Variants in ATXN2L observed in about 807,000 individuals in gnomAD.
ATXN2L encodes ataxin-2-like protein.
ATXN2L carries 24 observed loss-of-function variants against 120.7 expected under a neutral mutation model. The observed-to-expected ratio is 0.20, with a 90% CI of 0.14 to 0.28. The LOEUF is 0.28. Among genes scored for constraint, ATXN2L ranks in the 10% least tolerant of loss-of-function variants. ATXN2L has a pLI of 1.00. For synonymous variants in ATXN2L, 653 were observed against 568.1 expected (o/e 1.15, Z -2.13); for missense variants, 1,312 against 1,432.3 (o/e 0.92, Z 1.36).
chr16:28,831,986 C>G (rs1253521445), intron 10 of ATXN2L, among the ~76,000 whole-genome samples: 1 of 152,212 alleles, frequency 6.6e-6, no homozygotes, highest in African/African-American at 2.4e-5. Context: ...CTTGAGTTGA[C>G]TGGAACAGAA....
chr16:28,832,294 G>A lies in ATXN2L; in HGVS notation c.1411G>A (p.Val471Met), dbSNP rs868296623. ...TCCAGAGCCTCCCATCGGCTCGGCA[G>A]TGCCAACCTCTTCAGCCTCCATCCC... ...SCPEPPIGSA[V>M]PTSSASIPVT... is the part of the protein sequence containing the mutation. The change falls in exon 11 of 22, where the codon GTG becomes ATG. Residue 471 changes from valine (V) to methionine (M), a missense_variant. Physicochemically the swap from Val to Met is conservative, Grantham distance 21 (BLOSUM62 1). Transcript: ENST00000336783. 2.7e-5 allele frequency: 43 copies of A among 1,614,114 alleles called. 1 individual carries two copies. The Middle Eastern group carries it at 4.9e-3, about 186-fold the overall frequency.
rs1960285978 is a variant in ATXN2L, at chr16:28,835,695, T to C, written c.2832T>C (p.Ala944=). The part of the protein sequence containing the change: ...SPQSSFPQPA[A]VYAIHHQQLP... Reference sequence around the variant, plus strand: ...AGAGCAGCTTCCCCCAGCCAGCCGCTGTGTATGCCATCCACCACCAGCAGC... The same window carrying C: ...AGAGCAGCTTCCCCCAGCCAGCCGCCGTGTATGCCATCCACCACCAGCAGC... Residue 944 remains alanine (A), a synonymous_variant, in exon 21 of 22, where the codon GCT becomes GCC. Transcript: ENST00000336783. 5.0e-6 allele frequency: 8 copies of C among 1,614,006 alleles called. No homozygotes were observed. The highest frequency in any genetic ancestry group is 5.9e-6 in the Non-Finnish European group (7 of 1,179,976).
Position 28,830,069 on chromosome 16 carries a change from C to G in ATXN2L, c.1034+11C>G. 10 of 1,605,956 alleles carry G rather than the reference C, an allele frequency of 6.2e-6. No individual in the cohort carries two copies. The highest frequency in any genetic ancestry group is 8.5e-6 in the Non-Finnish European group (10 of 1,174,140). On this transcript the variant is annotated intron_variant, in intron 8 of 21. Coordinates refer to ENST00000336783, the MANE Select transcript of ATXN2L (RefSeq NM_007245.4). ...CAGCTTGGCATCCAGGTGACTGTTGCAAACAGCCAGGACTACTTGGGGCTT... is the reference window on the plus strand; with the variant it reads ...CAGCTTGGCATCCAGGTGACTGTTGGAAACAGCCAGGACTACTTGGGGCTT...
chr16:28,828,900 C>T lies in ATXN2L; in HGVS notation c.742-501C>T, dbSNP rs544667359. ...CCAGGACTGCAGGCATGCGCCACCA[C>T]GGATGGCTAATTTTTTATTTTTAGT... On this transcript the variant is annotated intron_variant, in intron 6 of 21. Transcript: ENST00000336783. 1.6e-3 allele frequency among the ~76,000 whole-genome samples: 241 copies of T among 152,270 alleles called. 1 individual carries two copies. Among genetic ancestry groups the T allele is most frequent in the Middle Eastern group, 3.4e-3 (1 of 294 alleles).
At position 28,834,400 on chromosome 16, in the gene ATXN2L, T is replaced by C; in HGVS notation, c.2230T>C (p.Tyr744His). ...SNSVPGQQGK[Y>H]RGAKGSLPPQ... ...TTCAGTGCCTGGGCAGCAGGGCAAG[T>C]ACCGGGGAGCAAAAGGTGAGCAGGG... Residue 744 changes from tyrosine to histidine, a missense_variant, in exon 17 of 22, where the codon TAC becomes CAC. By Grantham distance (83) the Tyr-to-His change is moderately conservative. Coordinates refer to ENST00000336783, the MANE Select transcript of ATXN2L (RefSeq NM_007245.4). 6.2e-7 allele frequency: 1 copy of C among 1,614,070 alleles called. No homozygotes were observed. The highest frequency in any genetic ancestry group is 8.5e-7 in the Non-Finnish European group (1 of 1,179,934).
In ATXN2L at chr16:28,834,177, A is replaced by G. The variant is rs200586518; in HGVS notation, c.2138A>G (p.Tyr713Cys). 1 of 1,614,086 alleles carries G rather than the reference A, an allele frequency of 6.2e-7. No homozygotes were observed. Among genetic ancestry groups the G allele is most frequent in the African/African-American group, 1.3e-5 (1 of 75,026 alleles). The change falls in exon 16 of 22, where the codon TAC (tyrosine) becomes TGC (cysteine). Residue 713 changes from tyrosine (Y) to cysteine (C), a missense_variant. Transcript: ENST00000336783. ...SGLYSPQYIS[Y>C]IPQIHMGPAV... ...CTATACAGCCCCCAGTACATCTCCT[A>G]CATACCTCAGATCCACATGGGACCA... is the stretch of plus-strand genomic sequence containing the variant.
At chr16:28,828,473 C>G (rs2053082975) in intron 6 of ATXN2L, among the ~76,000 whole-genome samples, 1 of 151,886 alleles carries the variant, frequency 6.6e-6, no homozygotes, top group Non-Finnish European at 1.5e-5. Context: ...GTAATCCCAG[C>G]TACTCGTGAG....
chr16:28,826,533 C>A (rs2052066896), intron 5 of ATXN2L, 143 bp downstream of exon 5: 3 of 938,998 alleles, frequency 3.2e-6, no homozygotes, highest in East Asian at 4.9e-5. Context: ...CTTTTTTTTC[C>A]TGAGCGAAGT....
At position 28,823,491 on chromosome 16, in the gene ATXN2L, G is replaced by GCGCCGCAGCCGCCGC; in HGVS notation, c.242_256dup (p.Pro81_Gln85dup). ...CCGCCGGGGAGCCGAAGGCATCTTG[G>GCGCCGCAGCCGCCGC]CGCCGCAGCCGCCGCCGCCGCAGCA... On this transcript the variant is annotated inframe_insertion, in exon 1 of 22. Transcript: ENST00000336783. 1 of 1,380,762 alleles carries GCGCCGCAGCCGCCGC rather than the reference G, an allele frequency of 7.2e-7. No homozygotes were observed. Among genetic ancestry groups the GCGCCGCAGCCGCCGC allele is most frequent in the Non-Finnish European group, 9.3e-7 (1 of 1,070,068 alleles). 85.5% of individuals were successfully genotyped at this position (1,380,762 alleles called of 1,614,324 possible). A position where few individuals can be genotyped will look rare whatever the true frequency, so the allele number is the denominator to read the frequency against.
chr16:28,836,673 G>A lies in ATXN2L; in HGVS notation c.*408G>A. 1 of 1,613,140 alleles carries A rather than the reference G, an allele frequency of 6.2e-7. No individual in the cohort carries two copies. The highest frequency in any genetic ancestry group is 2.2e-5 in the East Asian group (1 of 44,824). On this transcript the variant is annotated 3_prime_UTR_variant, in exon 22 of 22. Coordinates refer to ENST00000336783, the MANE Select transcript of ATXN2L (RefSeq NM_007245.4). Reference sequence around the variant, plus strand: ...CCCCACTGGACGGCATTGGAGGAAGGGACAGCTGCTTGGGTTCTAATGCTC... The same window carrying A: ...CCCCACTGGACGGCATTGGAGGAAGAGACAGCTGCTTGGGTTCTAATGCTC...
chr16:28,832,326 C>T lies in ATXN2L; in HGVS notation c.1443C>T (p.Thr481=). The T allele has an allele frequency of 6.2e-7, 1 of 1,614,180 alleles. No individual in the cohort carries two copies. Among genetic ancestry groups the T allele is most frequent in the Non-Finnish European group, 8.5e-7 (1 of 1,180,028 alleles). ...VPTSSASIPV[T]SSVSDPGVGS... ...CCTCTTCAGCCTCCATCCCTGTGAC[C>T]TCATCAGTCTCAGATCCTGGAGTGG... Residue 481 remains threonine (T), a synonymous_variant, in exon 11 of 22, where the codon ACC becomes ACT. Transcript: ENST00000336783.
At position 28,823,337 on chromosome 16, in the gene ATXN2L, G is replaced by C; in HGVS notation, c.78G>C (p.Arg26=). The change falls in exon 1 of 22, where the codon CGG becomes CGC. Residue 26 remains arginine (R), a synonymous_variant. Coordinates refer to ENST00000336783, the MANE Select transcript of ATXN2L (RefSeq NM_007245.4). ...PPPTQQAVAR[R]PPGGTSPPNG... is the part of the protein sequence containing the mutation. ...CCACGCAACAGGCCGTGGCCCGTCG[G>C]CCCCCCGGGGGCACCAGCCCTCCCA... 1.4e-6 allele frequency: 2 copies of C among 1,387,334 alleles called. No homozygotes were observed. Among genetic ancestry groups the C allele is most frequent in the South Asian group, 1.8e-5 (1 of 55,146 alleles). The allele number at this position is 1,387,334 out of a possible 1,614,324, so 85.9% of individuals were successfully genotyped here.
chr16:28,824,334 C>A, intron 1 of ATXN2L: 1 of 1,202,160 alleles, frequency 8.3e-7, no homozygotes, highest in Non-Finnish European at 1.1e-6. Flanking sequence ...CACACGCAGG[C>A]GCAGTGGGCT....
chr16:28,823,331 C>G lies in ATXN2L; in HGVS notation c.72C>G (p.Ala24=). The part of the protein sequence containing the change: ...QQPPPTQQAV[A]RRPPGGTSPP... ...CGCCCCCCACGCAACAGGCCGTGGC[C>G]CGTCGGCCCCCCGGGGGCACCAGCC... The change falls in exon 1 of 22, where the codon GCC becomes GCG. Residue 24 remains alanine, a synonymous_variant. Coordinates refer to ENST00000336783, the MANE Select transcript of ATXN2L (RefSeq NM_007245.4). The G allele has an allele frequency of 7.1e-7, 1 of 1,403,732 alleles. No homozygotes were observed. Among genetic ancestry groups the G allele is most frequent in the Non-Finnish European group, 9.3e-7 (1 of 1,079,526 alleles). 87.0% of individuals were successfully genotyped at this position (1,403,732 alleles called of 1,614,324 possible). A position where few individuals can be genotyped will look rare whatever the true frequency, so the allele number is the denominator to read the frequency against.
intron 1 of ATXN2L, chr16:28,824,463 G>A: frequency 7.8e-7 from 1 of 1,287,722 alleles, no homozygotes; most frequent in Non-Finnish European, 1.0e-6. Flanking sequence ...CCCCGCCAGC[G>A]GCCCCCTCTT....
Position 28,836,281 on chromosome 16 carries a change from G to C in ATXN2L, c.*16G>C. 3 of 1,610,494 alleles carry C rather than the reference G, an allele frequency of 1.9e-6. No homozygotes were observed. The highest frequency in any genetic ancestry group is 2.5e-6 in the Non-Finnish European group (3 of 1,177,982). ...TGGGGAGTGAGGGGTCTTGGAGGCA[G>C]GGCTGTCCCACAGGGCGCCCGCCGA... On this transcript the variant is annotated 3_prime_UTR_variant, in exon 22 of 22. Coordinates refer to ENST00000336783, the MANE Select transcript of ATXN2L (RefSeq NM_007245.4).
Position 28,833,104 on chromosome 16 carries a change from C to G in ATXN2L, c.1705C>G (p.Pro569Ala), listed in dbSNP as rs755975680. ...TGAGAACAGCCTGGATCCTTTTCCT[C>G]CCCGGATCTTAAAGGAGGAGCCCAA... ...SPENSLDPFP[P>A]RILKEEPKGK... Residue 569 changes from proline (P) to alanine (A), a missense_variant, in exon 14 of 22, where the codon CCC becomes GCC. By Grantham distance (27) the Pro-to-Ala change is conservative (BLOSUM62 -1). Coordinates refer to ENST00000336783, the MANE Select transcript of ATXN2L (RefSeq NM_007245.4). The G allele has an allele frequency of 6.2e-7, 1 of 1,614,204 alleles. No homozygotes were observed. The highest frequency in any genetic ancestry group is 8.5e-7 in the Non-Finnish European group (1 of 1,180,018).
chr16:28,823,713 G>T (rs2151863684), intron 1 of ATXN2L, 155 bp downstream of exon 1: 1 of 801,420 alleles, frequency 1.2e-6, no homozygotes, highest in Non-Finnish European at 1.7e-6. Flanking sequence ...GTCCGAACAG[G>T]TCGGACGGAA....
chr16:28,829,367 G>A (rs1567410843), intron 6 of ATXN2L, 34 bp from the exon 7 acceptor site: 2 of 1,454,796 alleles, frequency 1.4e-6, no homozygotes, highest in Non-Finnish European at 1.9e-6. Context: ...TGCTTTTCCT[G>A]CTGGGTTTTA....
Sources: allele counts gnomAD v4.1 joint callset (sites outside exome capture counted in the v4.1 genomes callset), GRCh38; gene constraint gnomAD v4.1.1; transcripts MANE v1.5; gene names NCBI Gene and HGNC (gene_info 2026-07-23, HGNC 2026-07-21).